Variants in PGAP4 observed in about 807,000 individuals in gnomAD.
The protein encoded by PGAP4 is GPI-N-acetylgalactosamine transferase PGAP4.
Under a neutral mutation model 28.2 loss-of-function variants are expected in PGAP4, and 12 were observed. The observed-to-expected ratio is 0.42, with a 90% CI of 0.27 to 0.69. The LOEUF (loss-of-function observed/expected upper bound fraction) is 0.69. PGAP4 is among the 30% of genes least tolerant of loss of function. The probability of loss-of-function intolerance (pLI) is 0.22; values close to 1 mark genes in which losing one functional copy is unlikely to be tolerated. For synonymous variants in PGAP4, 205 were observed against 211.8 expected (o/e 0.97, Z 0.28); for missense variants, 425 against 513.5 (o/e 0.83, Z 1.67).
chr9:101,532,278 G>GAAAAAAAA (rs1220114966), intron 1 of PGAP4, among the ~76,000 whole-genome samples: 46 of 94,476 alleles, frequency 4.9e-4, no homozygotes, highest in African/African-American at 1.8e-3. Flanking sequence ...TCGAAAAAAA[G>GAAAAAAAA]AAAAAAAAAA....
intron 2 of PGAP4, among the ~76,000 whole-genome samples, chr9:101,525,472 C>T (rs1239860696): frequency 6.6e-6 from 1 of 151,452 alleles, no homozygotes; most frequent in Admixed American, 6.6e-5. Context: ...TTGGGGAGGC[C>T]GAGGTGGGCA....
chr9:101,507,990 A>T (rs1028756732), intron 2 of PGAP4, among the ~76,000 whole-genome samples: 1 of 152,100 alleles, frequency 6.6e-6, no homozygotes, highest in African/African-American at 2.4e-5. Context: ...TTGAAATGCT[A>T]TCATGCTCCC....
chr9:101,504,535 C>T (rs1826833409), intron 2 of PGAP4, among the ~76,000 whole-genome samples: 1 of 152,002 alleles, frequency 6.6e-6, no homozygotes, highest in East Asian at 1.9e-4. Context: ...CTCTCTCTTT[C>T]TGTGCCTCTC....
intron 2 of PGAP4, among the ~76,000 whole-genome samples, chr9:101,527,932 A>G (rs1222390838): frequency 3.9e-5 from 6 of 152,150 alleles, no homozygotes; most frequent in East Asian, 1.9e-4. Context: ...AAGACGCTCA[A>G]TCTCTACCCA....
intron 2 of PGAP4, among the ~76,000 whole-genome samples, chr9:101,530,528 C>T (rs1827079371): frequency 6.6e-6 from 1 of 152,200 alleles, no homozygotes; most frequent in African/African-American, 2.4e-5. Flanking sequence ...ATTGCTAATG[C>T]TGTTTTCCCA....
chr9:101,493,410 G>C (rs1588203969), intron 2 of PGAP4, among the ~76,000 whole-genome samples: 1 of 152,136 alleles, frequency 6.6e-6, no homozygotes, highest in East Asian at 1.9e-4. Flanking sequence ...CATGGATTTG[G>C]GCAGAGTTTA....
At position 101,477,207 on chromosome 9, in the gene PGAP4, TAAAAAAACAAAC is replaced by T. The variant is rs1346164882; in HGVS notation, c.-77-50_-77-39del. On this transcript the variant is annotated intron_variant, in intron 1 of 1. Coordinates refer to ENST00000374848, the MANE Select transcript of PGAP4 (RefSeq NM_032342.3). The stretch of plus-strand genomic sequence containing the variant: ...GAAGTAGGGAATGGTAAGAGTAACT[TAAAAAAACAAAC>T]AAACAAACAAACAAAAAAACAAAAG... 5.5e-6 allele frequency: 6 copies of T among 1,089,756 alleles called. No individual in the cohort carries two copies. In the African/African-American group the frequency reaches 8.2e-5, roughly 15 times the overall value. 67.5% of individuals were successfully genotyped at this position (1,089,756 alleles called of 1,614,324 possible).
At chr9:101,511,041 A>G (rs1826893716) in intron 2 of PGAP4, among the ~76,000 whole-genome samples, 1 of 152,164 alleles carries the variant, frequency 6.6e-6, no homozygotes, top group Non-Finnish European at 1.5e-5. Context: ...CCCTAGCGCT[A>G]GCATCACTGC....
chr9:101,492,750 T>G (rs1826702443), intron 2 of PGAP4, among the ~76,000 whole-genome samples: 1 of 152,136 alleles, frequency 6.6e-6, no homozygotes, highest in African/African-American at 2.4e-5. Flanking sequence ...GTATCTTTCC[T>G]GTGACTGAGT....
In PGAP4 at chr9:101,474,986, G is replaced by T. The variant is rs982049079; in HGVS notation, c.*895C>A. ...GTCAGGTCTTCTGACTTCAGTCCAT[G>T]ATTTTTTTTTTTTTTTTTCTATAAC... On this transcript the variant is annotated 3_prime_UTR_variant, in exon 2 of 2. Coordinates refer to ENST00000374848, the MANE Select transcript of PGAP4 (RefSeq NM_032342.3). 6.9e-4 allele frequency: 97 copies of T among 141,536 alleles called. 2 individuals are homozygous for T. Among genetic ancestry groups the T allele is most frequent in the African/African-American group, 2.5e-3 (95 of 37,542 alleles). The allele number at this position is 141,536 out of a possible 1,614,324, so 8.8% of individuals were successfully genotyped here.
At chr9:101,479,091 G>A (rs567714522) in intron 1 of PGAP4, among the ~76,000 whole-genome samples, 1 of 146,308 alleles carries the variant, frequency 6.8e-6, no homozygotes, top group East Asian at 2.1e-4. Context: ...AACAAAGCAA[G>A]GAGAGGTTTG....
chr9:101,523,922 G>A (rs1325265498), intron 2 of PGAP4, among the ~76,000 whole-genome samples: 2 of 151,700 alleles, frequency 1.3e-5, no homozygotes, highest in Non-Finnish European at 2.9e-5. Context: ...TTGTCTCATG[G>A]GGTGTTCCCT....
intron 2 of PGAP4, among the ~76,000 whole-genome samples, chr9:101,504,209 GTTTTTTTTTTTTTTTTTT>G (rs3081858): frequency 3.1e-4 from 7 of 22,692 alleles, no homozygotes; most frequent in South Asian, 1.9e-3. Context: ...GTGTGTGTTT[GTTTTTTTTTTTTTTTTTT>G]TTTTTTTTTT....
At chr9:101,515,286 A>G (rs926491381) in intron 2 of PGAP4, among the ~76,000 whole-genome samples, 2 of 152,006 alleles carry the variant, frequency 1.3e-5, no homozygotes, top group Non-Finnish European at 2.9e-5. Flanking sequence ...TTCCTCTGTT[A>G]TTACATCACC....
chr9:101,504,624 T>A (rs539812666), intron 2 of PGAP4, among the ~76,000 whole-genome samples: 1 of 152,002 alleles, frequency 6.6e-6, no homozygotes, highest in South Asian at 2.1e-4. Flanking sequence ...CCCAAGAGTT[T>A]GTTTGTGCTG....
At chr9:101,511,535 T>C (rs1321788654) in intron 2 of PGAP4, among the ~76,000 whole-genome samples, 2 of 152,128 alleles carry the variant, frequency 1.3e-5, no homozygotes, top group Admixed American at 1.3e-4. Context: ...TTCCTAACTG[T>C]GGGAAAATGA....
chr9:101,503,163 G>A (rs1053315977), intron 2 of PGAP4, among the ~76,000 whole-genome samples: 1 of 152,046 alleles, frequency 6.6e-6, no homozygotes, highest in Non-Finnish European at 1.5e-5. Flanking sequence ...TTCTCCTGCT[G>A]TCTGGAATGC....
Position 101,476,679 on chromosome 9 carries a change from C to A in PGAP4, c.414G>T (p.Gly138=). The change falls in exon 2 of 2, where the codon GGG becomes GGT. Residue 138 remains glycine, a synonymous_variant. Coordinates refer to ENST00000374848, the MANE Select transcript of PGAP4 (RefSeq NM_032342.3). This position sits in a 1 kb window ranked among gnomAD's most constrained non-coding sequence, Gnocchi z 7.0. ...LLQQCGPQCE[G]HQLFLCNVER... is the part of the protein sequence containing the mutation. ...CCACGTTGCACAGGAAGAGTTGGTG[C>A]CCCTCGCACTGGGGGCCACATTGCT... 1.2e-6 allele frequency: 2 copies of A among 1,614,146 alleles called. No homozygotes were observed. Among genetic ancestry groups the A allele is most frequent in the Non-Finnish European group, 1.7e-6 (2 of 1,180,046 alleles).
chr9:101,486,138 C>T lies in PGAP4; in HGVS notation c.-78+811G>A, dbSNP rs1484734081. ...GAGCGCAGTGCGACACTAGCGACGC[C>T]GGAGCCAAGGGCCAGAAAGAGGGCG... On this transcript the variant is annotated intron_variant, in intron 1 of 1. Coordinates refer to ENST00000374848, the MANE Select transcript of PGAP4 (RefSeq NM_032342.3). This position sits in a 1 kb window ranked among gnomAD's most constrained non-coding sequence, Gnocchi z 4.7. Among the ~76,000 whole-genome samples, 3 of 152,184 alleles carry T rather than the reference C, an allele frequency of 2.0e-5. No individual in the cohort carries two copies. Among genetic ancestry groups the T allele is most frequent in the African/African-American group, 7.2e-5 (3 of 41,454 alleles).
Sources: gnomAD v4.1 joint callset for allele counts (sites outside exome capture counted in the v4.1 genomes callset) on GRCh38, gnomAD v4.1.1 for gene constraint, Gnocchi (gnomAD v3.1) non-coding constraint, MANE v1.5 for transcripts, NCBI Gene and HGNC (gene_info 2026-07-23, HGNC 2026-07-21) for gene names.